The following UNC13C variants were observed in gnomAD, a reference collection of about 807,000 sequenced individuals.
UNC13C encodes unc-13 homolog C, also known as protein unc-13 homolog C.
In UNC13C, 174 loss-of-function variants were observed where a neutral mutation model predicts 245.4. The ratio of observed to expected loss-of-function variants is 0.71; its 90% CI spans 0.63 to 0.80. The LOEUF (loss-of-function observed/expected upper bound fraction) is 0.80, where lower values mean the gene tolerates loss of function less well. Among genes scored for constraint, UNC13C ranks in the 30% least tolerant of loss-of-function variants. UNC13C has a pLI of 0.00. For missense variants in UNC13C, 2,829 were observed against 2,602.9 expected (o/e 1.09, Z -1.89); for synonymous variants, 992 against 895.1 (o/e 1.11, Z -1.93).
intron 29 of UNC13C, among the ~76,000 whole-genome samples, 163 bp from the exon 30 acceptor site, chr15:54,567,637 T>C (rs1897571405): frequency 6.6e-6 from 1 of 152,180 alleles, no homozygotes; most frequent in African/African-American, 2.4e-5. Flanking sequence ...GGGACCTGAA[T>C]TAGACGTTAA....
At chr15:53,908,969 AAC>A in the UNC13C span, among the ~76,000 whole-genome samples, 1 of 146,352 alleles carries the variant, frequency 6.8e-6, no homozygotes, top group African/African-American at 2.4e-5. Flanking sequence ...CATATCTATA[AAC>A]ACATTTGTAT....
At chr15:53,856,237 G>A in the UNC13C span, among the ~76,000 whole-genome samples, 2 of 151,816 alleles carry the variant, frequency 1.3e-5, no homozygotes, top group Non-Finnish European at 2.9e-5. Context: ...ATAAAAAACA[G>A]CTCCTGGATT....
rs548078588 is a variant in UNC13C, at chr15:54,258,520, C to T, written c.3449-5648C>T. 3.4e-4 allele frequency among the ~76,000 whole-genome samples: 52 copies of T among 152,158 alleles called. 1 individual carries two copies. In the South Asian group the frequency reaches 6.6e-3, roughly 19 times the overall value. On this transcript the variant is annotated intron_variant, in intron 8 of 32. Coordinates refer to ENST00000260323, the MANE Select transcript of UNC13C (RefSeq NM_001080534.3). ...CTGGGACTACAGATGTGCACCACCA[C>T]ATCCGGCTAATTTTTTTGTATTTTT...
chr15:54,281,890 G>C (rs1321587084), intron 10 of UNC13C, among the ~76,000 whole-genome samples: 1 of 152,116 alleles, frequency 6.6e-6, no homozygotes, highest in Non-Finnish European at 1.5e-5. Context: ...TTTTACTGTG[G>C]TATAATATAC....
intron 2 of UNC13C, among the ~76,000 whole-genome samples, chr15:54,017,274 A>C (rs557078583): frequency 6.6e-6 from 1 of 152,280 alleles, no homozygotes; most frequent in East Asian, 1.9e-4. Context: ...CTGATTTAAG[A>C]GTGAAAAGTA....
chr15:54,174,497 T>C (rs1201245742), intron 4 of UNC13C, among the ~76,000 whole-genome samples: 1 of 152,152 alleles, frequency 6.6e-6, no homozygotes, highest in Non-Finnish European at 1.5e-5. Flanking sequence ...ATTTGGCAAA[T>C]GGTTTAGTTT....
the UNC13C span, among the ~76,000 whole-genome samples, chr15:53,890,589 T>C: frequency 1.3e-5 from 2 of 152,232 alleles, no homozygotes; most frequent in African/African-American, 4.8e-5. Flanking sequence ...TGGTTTAGAC[T>C]TGGGAGAGTG....
intron 2 of UNC13C, among the ~76,000 whole-genome samples, chr15:54,046,965 C>T (rs1170486444): frequency 2.0e-5 from 3 of 151,938 alleles, no homozygotes; most frequent in African/African-American, 2.4e-5. Flanking sequence ...TCCCTTTATA[C>T]GCATGTAACA....
chr15:54,315,809 A>T (rs2037993551), intron 13 of UNC13C, among the ~76,000 whole-genome samples: 1 of 151,816 alleles, frequency 6.6e-6, no homozygotes, highest in Non-Finnish European at 1.5e-5. Context: ...CACTCAAACT[A>T]GAACCTTGAA....
At chr15:54,431,342 T>A (rs1289204567) in intron 19 of UNC13C, among the ~76,000 whole-genome samples, 2 of 151,650 alleles carry the variant, frequency 1.3e-5, no homozygotes, top group Admixed American at 6.6e-5. Flanking sequence ...TGAGAGCCAA[T>A]ACTTTTTCTG....
chr15:53,851,147 A>G, the UNC13C span, among the ~76,000 whole-genome samples: 1 of 151,952 alleles, frequency 6.6e-6, no homozygotes, highest in East Asian at 1.9e-4. Flanking sequence ...TATAACTTTG[A>G]TCATCTATGT....
At chr15:54,204,091 C>G (rs1018637196) in intron 4 of UNC13C, among the ~76,000 whole-genome samples, 5 of 151,340 alleles carry the variant, frequency 3.3e-5, no homozygotes, top group Non-Finnish European at 7.4e-5. Context: ...TGGGAGCTAA[C>G]CTATGAGGAC....
chr15:54,507,367 G>C (rs971392427), intron 23 of UNC13C, among the ~76,000 whole-genome samples, 173 bp downstream of exon 23: 23 of 151,996 alleles, frequency 1.5e-4, no homozygotes, highest in African/African-American at 4.6e-4. Context: ...TTTAATACAG[G>C]ATTTACAGGA....
intron 19 of UNC13C, among the ~76,000 whole-genome samples, chr15:54,454,582 AC>A (rs59010746): frequency 0.38 from 56,272 of 147,590 alleles, 10,945 homozygotes; most frequent in East Asian, 0.61. Context: ...AAAAAAAAAA[AC>A]AACAATAACT....
intron 10 of UNC13C, among the ~76,000 whole-genome samples, chr15:54,277,813 T>A (rs566831469): frequency 2.6e-5 from 4 of 152,282 alleles, no homozygotes; most frequent in South Asian, 4.1e-4. Flanking sequence ...ACCAAATGAT[T>A]TGAACCCAAT....
intron 27 of UNC13C, among the ~76,000 whole-genome samples, chr15:54,548,426 G>A (rs914826299): frequency 2.0e-4 from 30 of 151,772 alleles, no homozygotes; most frequent in Non-Finnish European, 3.5e-4. Flanking sequence ...GTTTCACCGT[G>A]TTAGCCAGGA....
downstream of UNC13C, chr15:54,628,857 T>G (rs1408157482): frequency 6.6e-6 from 1 of 152,152 alleles, no homozygotes; most frequent in African/African-American, 2.4e-5. Flanking sequence ...CTTCAATTAT[T>G]GTAGAAAGCA....
At chr15:54,250,183 A>C (rs1415419400) in intron 7 of UNC13C, 42 bp from the exon 8 acceptor site, 1 of 1,566,842 alleles carries the variant, frequency 6.4e-7, no homozygotes, top group South Asian at 1.1e-5. Flanking sequence ...ATTCAAATCC[A>C]CTGACTTGGC....
chr15:54,192,249 T>G (rs1308261693), intron 4 of UNC13C, among the ~76,000 whole-genome samples: 1 of 152,194 alleles, frequency 6.6e-6, no homozygotes, highest in East Asian at 1.9e-4. Context: ...TATTCTTTCT[T>G]GTCATTTGTT....
Sources: allele counts gnomAD v4.1 joint callset (sites outside exome capture counted in the v4.1 genomes callset), GRCh38; gene constraint gnomAD v4.1.1; transcripts MANE v1.5; gene names NCBI Gene and HGNC (gene_info 2026-07-23, HGNC 2026-07-21).